Variants in SYNE1 observed in about 807,000 individuals in gnomAD.
The protein encoded by SYNE1 is nesprin-1.
A neutral mutation model predicts 1,111.0 loss-of-function variants in SYNE1; 616 were observed. The ratio of observed to expected loss-of-function variants is 0.55; its 90% CI spans 0.52 to 0.59. The LOEUF is 0.59. SYNE1 is among the 20% of genes least tolerant of loss of function. The probability of loss-of-function intolerance (pLI) is 0.00; values close to 1 mark genes in which losing one functional copy is unlikely to be tolerated. For synonymous variants in SYNE1, 3,855 were observed against 3,825.8 expected (o/e 1.01, Z -0.28); for missense variants, 10,006 against 10,417.0 (o/e 0.96, Z 1.72).
At chr6:152,378,592 A>G (rs992924714) in intron 56 of SYNE1, among the ~76,000 whole-genome samples, 2 of 152,090 alleles carry the variant, frequency 1.3e-5, no homozygotes, top group African/African-American at 4.8e-5. Context: ...CATCCTCCTA[A>G]TCTGATTCCT....
chr6:152,243,768 G>T (rs1274589529), intron 106 of SYNE1, among the ~76,000 whole-genome samples: 1 of 152,154 alleles, frequency 6.6e-6, no homozygotes, highest in African/African-American at 2.4e-5. Flanking sequence ...CAATAGTTCT[G>T]CACACAGAGA....
intron 93 of SYNE1, among the ~76,000 whole-genome samples, chr6:152,300,215 T>C (rs915482747): frequency 6.6e-6 from 1 of 152,222 alleles, no homozygotes; most frequent in Non-Finnish European, 1.5e-5. Context: ...ACATAATAAA[T>C]GGAAGTTTCC....
intron 104 of SYNE1, among the ~76,000 whole-genome samples, chr6:152,252,852 T>C (rs963517501): frequency 6.6e-6 from 1 of 152,238 alleles, no homozygotes; most frequent in Non-Finnish European, 1.5e-5. Flanking sequence ...CATGATTCTC[T>C]TAGATCCTTA....
intron 3 of SYNE1, among the ~76,000 whole-genome samples, chr6:152,622,597 C>A (rs1390807414): frequency 1.3e-5 from 2 of 152,076 alleles, no homozygotes; most frequent in African/African-American, 2.4e-5. Context: ...AAAACATGAT[C>A]TTTTTCTTTT....
chr6:152,622,908 C>T, intron 3 of SYNE1, among the ~76,000 whole-genome samples: 1 of 152,126 alleles, frequency 6.6e-6, no homozygotes, highest in Non-Finnish European at 1.5e-5. Context: ...TCCTTTTTCT[C>T]CACAAGCTCG....
intron 87 of SYNE1, among the ~76,000 whole-genome samples, chr6:152,312,083 C>T (rs1388907919): frequency 3.3e-5 from 5 of 151,968 alleles, no homozygotes; most frequent in African/African-American, 9.7e-5. Context: ...TGCGCACAGC[C>T]GGCGATAGAC....
At position 152,325,117 on chromosome 6, in the gene SYNE1, A is replaced by G. The variant is rs1169502531; in HGVS notation, c.15624T>C (p.Asp5208=). The change falls in exon 81 of 146, where the codon GAT becomes GAC. Residue 5208 remains aspartate, a synonymous_variant. Coordinates refer to ENST00000367255, the MANE Select transcript of SYNE1 (RefSeq NM_182961.4). The stretch of plus-strand genomic sequence containing the variant: ...TAAAGCCCGTCCACTCATCCACTGC[A>G]TCTTCCAGGATCTTCTCCTGGTCCT... ...VAQDQEKILE[D]AVDEWTGFNN... is the part of the protein sequence containing the mutation. 1.2e-6 allele frequency: 2 copies of G among 1,614,194 alleles called. No homozygotes were observed. Among genetic ancestry groups the G allele is most frequent in the South Asian group, 2.2e-5 (2 of 91,084 alleles).
chr6:152,385,914 T>C (rs1563593783), intron 54 of SYNE1, 76 bp from the exon 55 acceptor site: 9 of 1,396,986 alleles, frequency 6.4e-6, no homozygotes, highest in Non-Finnish European at 8.1e-6. Context: ...ACAGGCCTGA[T>C]AGAGGTCTCT....
intron 8 of SYNE1, among the ~76,000 whole-genome samples, chr6:152,506,449 A>G (rs1481148931): frequency 2.0e-5 from 3 of 152,148 alleles, no homozygotes; most frequent in Non-Finnish European, 4.4e-5. Context: ...AATTTTTACT[A>G]GAATCTCAAA....
intron 48 of SYNE1, among the ~76,000 whole-genome samples, chr6:152,399,324 G>T (rs969885811): frequency 6.6e-6 from 1 of 152,206 alleles, no homozygotes; most frequent in Non-Finnish European, 1.5e-5. Flanking sequence ...AGCAGTGGAA[G>T]TAATTTTCCA....
rs201743223 is a variant in SYNE1 at position 152,447,547 on chromosome 6, C to A, written c.3580G>T (p.Val1194Phe). Reference sequence around the variant, plus strand: ...TTTTGGGCTTCATTCTCAGAAGAAACTTCTGTCAAAACTTTCAGCCTGGAT... The same window carrying A: ...TTTTGGGCTTCATTCTCAGAAGAAAATTCTGTCAAAACTTTCAGCCTGGAT... ...LKSRLKVLTE[V>F]SSENEAQKQG... The change falls in exon 29 of 146, where the codon GTT (valine) becomes TTT (phenylalanine). Residue 1194 changes from valine to phenylalanine, a missense_variant. Transcript: ENST00000367255. 1 of 1,614,202 alleles carries A rather than the reference C, an allele frequency of 6.2e-7. No homozygotes were observed. The highest frequency in any genetic ancestry group is 2.2e-5 in the East Asian group (1 of 44,884).
At chr6:152,395,782 G>A in intron 50 of SYNE1, 111 bp from the exon 51 acceptor site, 1 of 1,136,704 alleles carries the variant, frequency 8.8e-7, no homozygotes, top group Non-Finnish European at 1.3e-6. Context: ...CCTCATGAAT[G>A]TTCAAGTGAC....
intron 22 of SYNE1, 58 bp downstream of exon 22, chr6:152,458,699 C>T: frequency 1.3e-6 from 2 of 1,575,892 alleles, no homozygotes; most frequent in Non-Finnish European, 1.7e-6. Flanking sequence ...GTAAGCAACA[C>T]CCTGGTCTTG....
At chr6:152,272,727 C>T (rs965679810) in intron 98 of SYNE1, among the ~76,000 whole-genome samples, 5 of 152,196 alleles carry the variant, frequency 3.3e-5, no homozygotes, top group Non-Finnish European at 7.3e-5. Flanking sequence ...CATCTCCCAG[C>T]TTCAGTAGCA....
intron 101 of SYNE1, among the ~76,000 whole-genome samples, chr6:152,261,489 C>A (rs577247430): frequency 6.6e-6 from 1 of 152,136 alleles, no homozygotes; most frequent in Non-Finnish European, 1.5e-5. Context: ...ACACAGTATC[C>A]CTCCCAGGAA....
intron 78 of SYNE1, among the ~76,000 whole-genome samples, chr6:152,328,371 C>CTTATT (rs200860426): frequency 0.07 from 9,957 of 142,190 alleles, 507 homozygotes; most frequent in East Asian, 0.17. Context: ...TTTTTCTCTT[C>CTTATT]TTATTTTATT....
At chr6:152,210,726 C>G (rs1489532460) in intron 124 of SYNE1, among the ~76,000 whole-genome samples, 4 of 152,008 alleles carry the variant, frequency 2.6e-5, no homozygotes, top group Non-Finnish European at 5.9e-5. Context: ...CCAAATATCA[C>G]CACGGAAAGT....
chr6:152,513,154 C>T (rs554827871), intron 6 of SYNE1, among the ~76,000 whole-genome samples: 2 of 152,246 alleles, frequency 1.3e-5, no homozygotes, highest in South Asian at 2.1e-4. Flanking sequence ...CTGGACTAGA[C>T]CATTGTACCT....
intron 11 of SYNE1, among the ~76,000 whole-genome samples, chr6:152,490,661 G>A (rs1269913650): frequency 1.3e-5 from 2 of 152,078 alleles, no homozygotes; most frequent in East Asian, 1.9e-4. Flanking sequence ...TTCGGACTCA[G>A]TCTGCCTGCA....
Sources: gnomAD v4.1 joint callset for allele counts (sites outside exome capture counted in the v4.1 genomes callset) on GRCh38, gnomAD v4.1.1 for gene constraint, MANE v1.5 for transcripts, NCBI Gene and HGNC (gene_info 2026-07-23, HGNC 2026-07-21) for gene names.